The following TTLL2 variants were observed in gnomAD, a reference collection of about 807,000 sequenced individuals.
The protein encoded by TTLL2 is tubulin tyrosine ligase like 2, also known as probable tubulin polyglutamylase TTLL2.
Under a neutral mutation model 7.5 loss-of-function variants are expected in TTLL2, and 10 were observed. That is an observed-to-expected ratio of 1.33 (90% CI 0.82 to 2.25). The LOEUF (loss-of-function observed/expected upper bound fraction) is 2.25. Among genes scored for constraint, TTLL2 ranks in the 30% most tolerant of loss-of-function variants. TTLL2 has a pLI of 0.00. For missense variants in TTLL2, 733 were observed against 735.7 expected (o/e 1.00, Z 0.04); for synonymous variants, 284 against 280.3 (o/e 1.01, Z -0.13).
At chr6:167,335,385 G>A (rs112128669) in intron 1 of TTLL2, among the ~76,000 whole-genome samples, 2 of 150,488 alleles carry the variant, frequency 1.3e-5, no homozygotes, top group African/African-American at 2.5e-5. Flanking sequence ...ACTGTAAACT[G>A]GTTCAACCAT....
At chr6:167,339,148 AAC>A (rs71004124) in intron 2 of TTLL2, among the ~76,000 whole-genome samples, 83,926 of 151,582 alleles carry the variant, frequency 0.55, 23,655 homozygotes, top group East Asian at 0.76. Flanking sequence ...GAAATTTTCA[AAC>A]ACTACAGAAT....
intron 1 of TTLL2, among the ~76,000 whole-genome samples, chr6:167,332,373 T>C (rs2093462216): frequency 6.6e-6 from 1 of 152,116 alleles, no homozygotes; most frequent in Non-Finnish European, 1.5e-5. Flanking sequence ...AGCTGACAGC[T>C]CACTGTGTAT....
rs766032320 is a variant in TTLL2, at chr6:167,340,291, C to T, written c.391C>T (p.Arg131Ter). 5.3e-5 allele frequency: 85 copies of T among 1,613,888 alleles called. No individual in the cohort carries two copies. The Middle Eastern group carries it at 6.6e-4, about 12-fold the overall frequency. The change falls in exon 3 of 3, where the codon CGA (arginine) becomes TGA (stop). Residue 131 changes from arginine (R) to a stop codon, truncating the protein, a stop_gained. Coordinates refer to ENST00000239587, the MANE Select transcript of TTLL2 (RefSeq NM_031949.5). LOFTEE classifies it low-confidence loss of function (END_TRUNC). ...CCTGTACTGGAGGACATCCTCTTTCCGAATGACCGAACACAACAGTGTTAA... is the reference window on the plus strand; with the variant it reads ...CCTGTACTGGAGGACATCCTCTTTCTGAATGACCGAACACAACAGTGTTAA... ...WNLYWRTSSF[R>*]MTEHNSVKPW...
chr6:167,326,521 T>A (rs1283762543), intron 1 of TTLL2, among the ~76,000 whole-genome samples: 1 of 152,072 alleles, frequency 6.6e-6, no homozygotes, highest in Admixed American at 6.5e-5. Context: ...GTGACTGATC[T>A]CCACAAATGG....
At chr6:167,338,224 T>TACACACAACAC (rs1562372388) in intron 1 of TTLL2, among the ~76,000 whole-genome samples, 1 of 147,546 alleles carries the variant, frequency 6.8e-6, no homozygotes, top group African/African-American at 2.5e-5. Context: ...ACACACAACA[T>TACACACAACAC]ACACACAACA....
rs1779090815 is a variant in TTLL2 at position 167,341,266 on chromosome 6, G to T, written c.1366G>T (p.Asp456Tyr). 1 of 1,613,584 alleles carries T rather than the reference G, an allele frequency of 6.2e-7. No individual in the cohort carries two copies. The highest frequency in any genetic ancestry group is 8.5e-7 in the Non-Finnish European group (1 of 1,179,948). The change falls in exon 3 of 3, where the codon GAT becomes TAT. Residue 456 changes from aspartate (D) to tyrosine (Y), a missense_variant. By Grantham distance (160) the Asp-to-Tyr change is radical. Transcript: ENST00000239587. Reference sequence around the variant, plus strand: ...TGATGCTCCTGACTGTCTTCCTTATGATTCTCTTTCGTTCACAAGCAGAAT... The same window carrying T: ...TGATGCTCCTGACTGTCTTCCTTATTATTCTCTTTCGTTCACAAGCAGAAT... The part of the protein sequence containing the change: ...GLDAPDCLPY[D>Y]SLSFTSRMYN...
chr6:167,335,439 A>C (rs1423457391), intron 1 of TTLL2, among the ~76,000 whole-genome samples: 6 of 148,328 alleles, frequency 4.0e-5, no homozygotes, highest in African/African-American at 1.5e-4. Context: ...TAGAACTAGA[A>C]ATACCATTTG....
chr6:167,327,497 T>C (rs1007987605), intron 1 of TTLL2, among the ~76,000 whole-genome samples: 5 of 152,182 alleles, frequency 3.3e-5, no homozygotes, highest in Admixed American at 2.6e-4. Flanking sequence ...TTTGGCTTAG[T>C]GGGTTTGTGG....
rs754399268 is a variant in TTLL2, at chr6:167,340,736, G to T, written c.836G>T (p.Arg279Leu). The T allele has an allele frequency of 2.5e-6, 4 of 1,614,108 alleles. No individual in the cohort carries two copies. In the South Asian group the frequency reaches 4.4e-5, roughly 18 times the overall value. ...TIYVYQEGLV[R>L]FATEKFDLSN... is the part of the protein sequence containing the mutation. The stretch of plus-strand genomic sequence containing the variant: ...TATGTTTATCAGGAAGGGTTGGTTC[G>T]GTTTGCCACGGAAAAGTTTGACCTC... Residue 279 changes from arginine (R) to leucine (L), a missense_variant, in exon 3 of 3, where the codon CGG becomes CTG. Physicochemically the swap from Arg to Leu is moderately radical, Grantham distance 102. Transcript: ENST00000239587.
Position 167,340,162 on chromosome 6 carries a change from G to A in TTLL2, c.262G>A (p.Val88Ile), listed in dbSNP as rs371465663. 2 of 1,608,788 alleles carry A rather than the reference G, an allele frequency of 1.2e-6. No individual in the cohort carries two copies. The highest frequency in any genetic ancestry group is 1.7e-6 in the Non-Finnish European group (2 of 1,177,886). The change falls in exon 3 of 3, where the codon GTT becomes ATT. Residue 88 changes from valine to isoleucine, a missense_variant. By Grantham distance (29) the Val-to-Ile change is conservative. Transcript: ENST00000239587. ...TTCAGGGGCCCTCTTGAAGCCGCTG[G>A]TTTTTCGCGTTGACGAGACCACCCC... ...EPSGALLKPL[V>I]FRVDETTPAV...
intron 1 of TTLL2, among the ~76,000 whole-genome samples, chr6:167,332,050 C>G (rs973374724): frequency 2.0e-5 from 3 of 151,848 alleles, no homozygotes; most frequent in African/African-American, 7.3e-5. Flanking sequence ...AAAAGAAAAA[C>G]CTTAGATAAA....
Sources: allele counts gnomAD v4.1 joint callset (sites outside exome capture counted in the v4.1 genomes callset), GRCh38; gene constraint gnomAD v4.1.1; transcripts MANE v1.5; gene names NCBI Gene and HGNC (gene_info 2026-07-23, HGNC 2026-07-21).